RB1: variants seen among roughly 807,000 people sequenced by gnomAD.
RB1 encodes the protein retinoblastoma-associated protein.
In RB1, 18 loss-of-function variants were observed where a neutral mutation model predicts 135.4. That is an observed-to-expected ratio of 0.13 (90% CI 0.09 to 0.20). The LOEUF is 0.20. RB1 is among the 10% of genes least tolerant of loss of function. RB1 has a pLI of 1.00. For synonymous variants in RB1, 365 were observed against 373.2 expected (o/e 0.98, Z 0.25); for missense variants, 868 against 1,110.0 (o/e 0.78, Z 3.10).
At chr13:48,367,344 A>C in intron 9 of RB1, 150 bp from the exon 10 acceptor site, 1 of 776,956 alleles carries the variant, frequency 1.3e-6, no homozygotes, top group Non-Finnish European at 1.9e-6. Flanking sequence ...ACTTTTAGAT[A>C]GACCTTATTT....
chr13:48,450,661 ATATGAATTT>A lies in RB1; in HGVS notation c.1696-2321_1696-2313del, dbSNP rs1275848603. The stretch of plus-strand genomic sequence containing the variant: ...GATATTTGCGCTCTTTTTTGATTCC[ATATGAATTT>A]TATGAATTTTGGTTCCATGTGAATT... On this transcript the variant is annotated intron_variant, in intron 17 of 26. Transcript: ENST00000267163. Among the ~76,000 whole-genome samples the A allele has an allele frequency of 3.9e-5, 6 of 152,250 alleles. No homozygotes were observed. In the East Asian group the frequency reaches 9.6e-4, roughly 24 times the overall value.
chr13:48,339,560 G>T (rs1316665208), intron 2 of RB1, among the ~76,000 whole-genome samples: 1 of 152,168 alleles, frequency 6.6e-6, no homozygotes, highest in African/African-American at 2.4e-5. Flanking sequence ...GATTTTCCAG[G>T]TGCCATCTGT....
intron 17 of RB1, among the ~76,000 whole-genome samples, chr13:48,424,518 A>C (rs1949052326): frequency 6.6e-6 from 1 of 152,174 alleles, no homozygotes. Flanking sequence ...AATCAAGAGG[A>C]GTGAAAATGT....
intron 17 of RB1, among the ~76,000 whole-genome samples, chr13:48,428,670 C>T (rs987424358): frequency 4.6e-5 from 7 of 152,230 alleles, no homozygotes; most frequent in Non-Finnish European, 1.0e-4. Context: ...TAGACATTTT[C>T]ATCCTTCTGT....
chr13:48,384,569 C>T (rs1292799741), intron 17 of RB1, among the ~76,000 whole-genome samples: 1 of 152,074 alleles, frequency 6.6e-6, no homozygotes, highest in Non-Finnish European at 1.5e-5. Flanking sequence ...CCAGAGCAAG[C>T]TTTCATAGTC....
chr13:48,445,172 G>A (rs1289795802), intron 17 of RB1: 1 of 152,064 alleles, frequency 6.6e-6, no homozygotes, highest in East Asian at 1.9e-4. Flanking sequence ...AAAGCAATAT[G>A]GATTATGGTG....
intron 17 of RB1, among the ~76,000 whole-genome samples, chr13:48,403,055 T>C (rs1028494038): frequency 3.9e-5 from 6 of 152,236 alleles, no homozygotes; most frequent in Admixed American, 2.6e-4. Context: ...TAACAATAAT[T>C]GGTAAAATTA....
chr13:48,387,205 A>T (rs963049783), intron 17 of RB1, among the ~76,000 whole-genome samples: 1 of 152,230 alleles, frequency 6.6e-6, no homozygotes, highest in African/African-American at 2.4e-5. Context: ...CATTCAGAAG[A>T]TCATAAAACA....
chr13:48,314,270 G>C (rs1226124995), intron 2 of RB1, among the ~76,000 whole-genome samples: 5 of 152,028 alleles, frequency 3.3e-5, no homozygotes, highest in Non-Finnish European at 7.4e-5. Context: ...GATTATGTTG[G>C]ATCTAGATCA....
At chr13:48,307,718 TAGC>T (rs1331831390) in intron 2 of RB1, among the ~76,000 whole-genome samples, 1 of 147,936 alleles carries the variant, frequency 6.8e-6, no homozygotes, top group Non-Finnish European at 1.5e-5. Flanking sequence ...AAAAAAAAAT[TAGC>T]AGGGTGTGGC....
intron 2 of RB1, chr13:48,328,204 C>G (rs911103941): frequency 2.7e-6 from 4 of 1,479,854 alleles, no homozygotes; most frequent in African/African-American, 2.8e-5. Flanking sequence ...GTTGGTGTAT[C>G]CCTTGCAATA....
Position 48,342,525 on chromosome 13 carries a change from T to C in RB1, c.265-74T>C, listed in dbSNP as rs1040038478. On this transcript the variant is annotated intron_variant, in intron 2 of 26. Coordinates refer to ENST00000267163, the MANE Select transcript of RB1 (RefSeq NM_000321.3). ...ATGCTGAATAAGAAAAAATCAGTTA[T>C]AATACAGTTTTAACATAGTATCCAG... 6 of 930,684 alleles carry C rather than the reference T, an allele frequency of 6.4e-6. No individual in the cohort carries two copies. In the African/African-American group the frequency reaches 8.1e-5, roughly 13 times the overall value. 57.7% of individuals were successfully genotyped at this position (930,684 alleles called of 1,614,324 possible). A position where few individuals can be genotyped will look rare whatever the true frequency, so the allele number is the denominator to read the frequency against.
chr13:48,443,376 G>T (rs189897875), intron 17 of RB1, among the ~76,000 whole-genome samples: 52 of 152,018 alleles, frequency 3.4e-4, no homozygotes, highest in African/African-American at 1.2e-3. Flanking sequence ...TTTTTAAAAA[G>T]AAGTTTAAAA....
chr13:48,384,521 A>G (rs1275026463), intron 17 of RB1, among the ~76,000 whole-genome samples: 1 of 152,156 alleles, frequency 6.6e-6, no homozygotes, highest in Non-Finnish European at 1.5e-5. Flanking sequence ...TTTGTCACAA[A>G]TTGAACACAT....
chr13:48,368,726 C>T (rs372823086), intron 11 of RB1, 122 bp downstream of exon 11: 1 of 1,384,278 alleles, frequency 7.2e-7, no homozygotes, highest in Non-Finnish European at 9.6e-7. Flanking sequence ...ATATTGAAGG[C>T]CAGGTGTGGT....
intron 2 of RB1, among the ~76,000 whole-genome samples, chr13:48,308,040 C>CT (rs1207429744): frequency 1.3e-5 from 2 of 151,792 alleles, no homozygotes; most frequent in Non-Finnish European, 2.9e-5. Context: ...GATTTCCTGA[C>CT]TGACTCAGAA....
At chr13:48,458,510 G>C (rs911764989) in intron 19 of RB1, among the ~76,000 whole-genome samples, 2 of 152,060 alleles carry the variant, frequency 1.3e-5, no homozygotes, top group African/African-American at 4.8e-5. Flanking sequence ...TCAAAGTGTC[G>C]TTCCCAACCA....
chr13:48,411,652 G>T, intron 17 of RB1: 3 of 1,611,118 alleles, frequency 1.9e-6, no homozygotes, highest in Middle Eastern at 1.7e-4. Context: ...ACAAATGTTT[G>T]TGTTCTCACA....
At chr13:48,394,527 G>A (rs1043514192) in intron 17 of RB1, among the ~76,000 whole-genome samples, 2 of 152,204 alleles carry the variant, frequency 1.3e-5, no homozygotes, top group Non-Finnish European at 2.9e-5. Flanking sequence ...TGCCATCACA[G>A]CAGTCTGAGG....
Sources: gnomAD v4.1 joint callset for allele counts (sites outside exome capture counted in the v4.1 genomes callset) on GRCh38, gnomAD v4.1.1 for gene constraint, MANE v1.5 for transcripts, NCBI Gene and HGNC (gene_info 2026-07-23, HGNC 2026-07-21) for gene names.